Variants in ATP9B observed in about 807,000 individuals in gnomAD.
ATP9B encodes the protein ATPase phospholipid transporting 9B.
ATP9B carries 110 observed loss-of-function variants against 146.1 expected under a neutral mutation model. That is an observed-to-expected ratio of 0.75 (90% CI 0.65 to 0.88). ATP9B has a LOEUF of 0.88. ATP9B is among the 40% of genes least tolerant of loss of function. The pLI, the probability that ATP9B is intolerant of heterozygous loss-of-function variation, is 0.00. For synonymous variants in ATP9B, 604 were observed against 569.7 expected (o/e 1.06, Z -0.86); for missense variants, 1,499 against 1,496.4 (o/e 1.00, Z -0.03).
At chr18:79,090,586 C>T (rs1408804985) in intron 1 of ATP9B, among the ~76,000 whole-genome samples, 1 of 152,152 alleles carries the variant, frequency 6.6e-6, no homozygotes, top group African/African-American at 2.4e-5. Flanking sequence ...TGAGAAATGT[C>T]TATTCGGATC....
chr18:79,373,012 C>T, intron 27 of ATP9B, 130 bp downstream of exon 27: 3 of 588,800 alleles, frequency 5.1e-6, no homozygotes, highest in South Asian at 2.2e-5. Context: ...ATACTCCCTT[C>T]TGTTTATCTT....
intron 2 of ATP9B, among the ~76,000 whole-genome samples, chr18:79,104,489 G>A (rs1032325207): frequency 9.2e-5 from 14 of 152,008 alleles, no homozygotes; most frequent in African/African-American, 2.4e-4. Flanking sequence ...CAAGAATTGC[G>A]GACTTTAGAA....
intron 11 of ATP9B, among the ~76,000 whole-genome samples, chr18:79,245,303 A>T (rs1287281965): frequency 2.6e-5 from 4 of 152,188 alleles, no homozygotes; most frequent in Admixed American, 1.3e-4. Context: ...ACTTCTATGA[A>T]TGATGTTGCA....
chr18:79,175,093 C>G (rs578049607), intron 7 of ATP9B, among the ~76,000 whole-genome samples: 1 of 151,084 alleles, frequency 6.6e-6, no homozygotes, highest in African/African-American at 2.4e-5. Context: ...CCCAGCTACT[C>G]GGAAGGCTGA....
In ATP9B at chr18:79,330,147, A is replaced by G. The variant is rs759594976; in HGVS notation, c.2028+43A>G. ...GCGTGGTTCACAGTGTTTCTATGGA[A>G]GAGGAGGTATGTGAGTGACTCTCAG... On this transcript the variant is annotated intron_variant, in intron 17 of 29. Transcript: ENST00000426216. 1.9e-6 allele frequency: 3 copies of G among 1,559,582 alleles called. No homozygotes were observed. In the South Asian group the frequency reaches 3.3e-5, roughly 17 times the overall value.
At chr18:79,098,547 A>C (rs537647942) in intron 2 of ATP9B, among the ~76,000 whole-genome samples, 1 of 151,816 alleles carries the variant, frequency 6.6e-6, no homozygotes, top group South Asian at 2.1e-4. Context: ...AAGAAAACAA[A>C]CAACCCCATC....
Position 79,352,898 on chromosome 18 carries a change from CAA to C in ATP9B, c.2903+4703_2903+4704del, listed in dbSNP as rs1419587032. On this transcript the variant is annotated intron_variant, in intron 25 of 29. Coordinates refer to ENST00000426216, the MANE Select transcript of ATP9B (RefSeq NM_198531.5). ...AGTACTAATCAAGTAAAAAGGCAGA[CAA>C]GAGTAAAATACTTTCAGTACATATC... 5 of 152,248 alleles carry C rather than the reference CAA, an allele frequency of 3.3e-5. No individual in the cohort carries two copies. In the East Asian group the frequency reaches 5.8e-4, roughly 18 times the overall value. 9.4% of individuals were successfully genotyped at this position (152,248 alleles called of 1,614,324 possible).
intron 1 of ATP9B, among the ~76,000 whole-genome samples, chr18:79,074,666 A>G (rs1422711735): frequency 6.6e-6 from 1 of 152,144 alleles, no homozygotes; most frequent in African/African-American, 2.4e-5. Context: ...CTCAGGCCCC[A>G]GTATCCCTTG....
At chr18:79,218,978 G>A (rs567006474) in intron 11 of ATP9B, among the ~76,000 whole-genome samples, 1 of 152,302 alleles carries the variant, frequency 6.6e-6, no homozygotes, top group Admixed American at 6.5e-5. Flanking sequence ...GAACCTTGCA[G>A]AACCCGGAAG....
chr18:79,148,134 G>A (rs766803), intron 6 of ATP9B, among the ~76,000 whole-genome samples: 85,272 of 151,906 alleles, frequency 0.56, 25,609 homozygotes, highest in African/African-American at 0.79. Flanking sequence ...GACAATATCA[G>A]TAGTCCTGTA....
chr18:79,344,194 A>G lies in ATP9B; in HGVS notation c.2383-71A>G, dbSNP rs114537149. On this transcript the variant is annotated intron_variant, in intron 20 of 29. Coordinates refer to ENST00000426216, the MANE Select transcript of ATP9B (RefSeq NM_198531.5). ...ACATTCCACTGTGACTCTGCAAATA[A>G]TGCCCTGTTTCTCTGTGCCTGTAAC... 6.4e-4 allele frequency: 863 copies of G among 1,352,478 alleles called. 4 individuals carry two copies. In the African/African-American group the frequency reaches 0.011, roughly 17 times the overall value. The allele number at this position is 1,352,478 out of a possible 1,614,324, so 83.8% of individuals were successfully genotyped here.
chr18:79,256,143 A>G (rs1418462631), intron 12 of ATP9B, among the ~76,000 whole-genome samples: 1 of 150,984 alleles, frequency 6.6e-6, no homozygotes, highest in East Asian at 1.9e-4. Flanking sequence ...TATGTGCTTT[A>G]CTGTCTTTTT....
intron 13 of ATP9B, among the ~76,000 whole-genome samples, chr18:79,280,395 T>C (rs962576260): frequency 6.6e-6 from 1 of 152,176 alleles, no homozygotes; most frequent in Non-Finnish European, 1.5e-5. Flanking sequence ...CCTTGATTAA[T>C]ATTAAGCAAA....
At chr18:79,216,774 T>C (rs1440569331) in intron 11 of ATP9B, among the ~76,000 whole-genome samples, 1 of 152,240 alleles carries the variant, frequency 6.6e-6, no homozygotes, top group Non-Finnish European at 1.5e-5. Flanking sequence ...GTTGGCAGAA[T>C]ATATCTCATA....
chr18:79,307,584 T>TA, intron 15 of ATP9B: 1 of 203,830 alleles, frequency 4.9e-6, no homozygotes, highest in South Asian at 1.1e-4. Context: ...GGACTGTCCT[T>TA]ATGGCTATGG....
chr18:79,152,866 T>A (rs962914665), intron 6 of ATP9B, among the ~76,000 whole-genome samples: 1 of 152,188 alleles, frequency 6.6e-6, no homozygotes, highest in Non-Finnish European at 1.5e-5. Context: ...GTGGACCTAT[T>A]TTTGGACATC....
chr18:79,278,751 A>G (rs865920848), intron 13 of ATP9B, among the ~76,000 whole-genome samples: 1 of 152,104 alleles, frequency 6.6e-6, no homozygotes, highest in Non-Finnish European at 1.5e-5. Flanking sequence ...TCGGAGAGCA[A>G]TTTGAGGGGC....
rs746148183 is a variant in ATP9B at position 79,307,024 on chromosome 18, T to C, written c.1563T>C (p.Thr521=). 6.2e-7 allele frequency: 1 copy of C among 1,614,196 alleles called. No homozygotes were observed. The highest frequency in any genetic ancestry group is 2.2e-5 in the East Asian group (1 of 44,884). ...CTGGTGGAAACAATACTGGTTCAAC[T>C]CCACTAAGAAAAGCCCAATCTTCAG... The part of the protein sequence containing the change: ...SQAGGNNTGS[T]PLRKAQSSAP... The change falls in exon 15 of 30, where the codon ACT becomes ACC. Residue 521 remains threonine, a synonymous_variant. Coordinates refer to ENST00000426216, the MANE Select transcript of ATP9B (RefSeq NM_198531.5).
At chr18:79,291,170 T>C (rs1246712688) in intron 13 of ATP9B, among the ~76,000 whole-genome samples, 2 of 144,412 alleles carry the variant, frequency 1.4e-5, no homozygotes, top group African/African-American at 5.2e-5. Flanking sequence ...GAGCTGCAGC[T>C]TTTTTTTTTT....
Sources: allele counts gnomAD v4.1 joint callset (sites outside exome capture counted in the v4.1 genomes callset), GRCh38; gene constraint gnomAD v4.1.1; transcripts MANE v1.5; gene names NCBI Gene and HGNC (gene_info 2026-07-23, HGNC 2026-07-21).